PLEKHH2: variants seen among roughly 807,000 people sequenced by gnomAD.
PLEKHH2 encodes pleckstrin homology, MyTH4 and FERM domain containing H2, also known as pleckstrin homology domain-containing family H member 2.
PLEKHH2 carries 129 observed loss-of-function variants against 187.9 expected under a neutral mutation model. That is an observed-to-expected ratio of 0.69 (90% CI 0.59 to 0.79). The LOEUF (loss-of-function observed/expected upper bound fraction) is 0.79, where lower values mean the gene tolerates loss of function less well. PLEKHH2 is among the 30% of genes least tolerant of loss of function. PLEKHH2 has a pLI of 0.00. For missense variants in PLEKHH2, 2,076 were observed against 1,751.2 expected (o/e 1.19, Z -3.31); for synonymous variants, 686 against 605.6 (o/e 1.13, Z -1.95).
chr2:43,728,434 C>G (rs1272299461), intron 17 of PLEKHH2, among the ~76,000 whole-genome samples: 2 of 141,014 alleles, frequency 1.4e-5, no homozygotes, highest in African/African-American at 2.7e-5. Flanking sequence ...ATCGAGATCG[C>G]GCCATTGCAC....
intron 7 of PLEKHH2, 109 bp from the exon 8 acceptor site, chr2:43,699,538 C>A: frequency 7.3e-7 from 1 of 1,370,164 alleles, no homozygotes; most frequent in South Asian, 1.4e-5. Context: ...CCACTGCACC[C>A]AGCAAATTTC....
intron 8 of PLEKHH2, among the ~76,000 whole-genome samples, chr2:43,700,953 C>T (rs190198828): frequency 7.9e-5 from 12 of 152,256 alleles, no homozygotes; most frequent in Admixed American, 2.0e-4. Context: ...TTCTTTTCTT[C>T]TTTCCTTTCA....
intron 2 of PLEKHH2, among the ~76,000 whole-genome samples, chr2:43,649,714 G>T (rs1042380496): frequency 6.6e-6 from 1 of 152,118 alleles, no homozygotes; most frequent in Admixed American, 6.6e-5. Context: ...TCACATCTTT[G>T]GTTACTGGTT....
rs997918972 is a variant in PLEKHH2, at chr2:43,707,001, G to A, written c.1822-400G>A. On this transcript the variant is annotated intron_variant, in intron 10 of 29. Transcript: ENST00000282406. ...TCACGAGGTCAGGAGTTCGAGACCA[G>A]CCTGGCCAACATGGCGAAACCCTGT... is the stretch of plus-strand genomic sequence containing the variant. 2.6e-5 allele frequency among the ~76,000 whole-genome samples: 4 copies of A among 151,982 alleles called. 1 individual carries two copies. The highest frequency in any genetic ancestry group is 5.9e-5 in the Non-Finnish European group (4 of 67,984).
In PLEKHH2 at chr2:43,692,351, G is replaced by A. The variant is rs1668841300; in HGVS notation, c.187-163G>A. On this transcript the variant is annotated intron_variant, in intron 3 of 29. Coordinates refer to ENST00000282406, the MANE Select transcript of PLEKHH2 (RefSeq NM_172069.4). ...AAGGTAACACCACTTGGTGAAATAG[G>A]CTTGAGACTTTATAATCATTAAATA... 3 of 533,794 alleles carry A rather than the reference G, an allele frequency of 5.6e-6. No individual in the cohort carries two copies. In the East Asian group the frequency reaches 1.0e-4, roughly 18 times the overall value. 33.1% of individuals were successfully genotyped at this position (533,794 alleles called of 1,614,324 possible).
intron 19 of PLEKHH2, among the ~76,000 whole-genome samples, chr2:43,734,230 C>A (rs1406746493): frequency 2.6e-5 from 4 of 152,164 alleles, no homozygotes; most frequent in Non-Finnish European, 5.9e-5. Flanking sequence ...TCCCACTGCA[C>A]CCTAACTTTG....
intron 3 of PLEKHH2, among the ~76,000 whole-genome samples, chr2:43,685,305 A>G (rs914136226): frequency 5.9e-5 from 9 of 152,360 alleles, no homozygotes; most frequent in African/African-American, 2.2e-4. Context: ...TTGTTTATCA[A>G]TGAATGGCAT....
chr2:43,693,398 G>A (rs921442129), intron 4 of PLEKHH2, among the ~76,000 whole-genome samples: 1 of 152,144 alleles, frequency 6.6e-6, no homozygotes, highest in Non-Finnish European at 1.5e-5. Flanking sequence ...GCTTAGAAAT[G>A]TGTACACCAT....
intron 25 of PLEKHH2, among the ~76,000 whole-genome samples, chr2:43,756,008 C>T (rs1415125250): frequency 2.0e-5 from 3 of 152,174 alleles, no homozygotes; most frequent in Non-Finnish European, 4.4e-5. Flanking sequence ...TCCTTTTTTA[C>T]ATGCAAGGAC....
chr2:43,741,145 G>A (rs1671544399), intron 21 of PLEKHH2, 102 bp downstream of exon 21: 3 of 1,043,134 alleles, frequency 2.9e-6, no homozygotes, highest in Non-Finnish European at 4.0e-6. Flanking sequence ...TCAGAAGAAT[G>A]TATGAAACAA....
Position 43,766,386 on chromosome 2 carries a change from CAA to C in PLEKHH2, c.*790_*791del, listed in dbSNP as rs1190914498. The stretch of plus-strand genomic sequence containing the variant: ...GCTTTGTTAATAATATCTTTAAAAA[CAA>C]AGACAATCCTTAAAGCTTTGCTCCT... On this transcript the variant is annotated 3_prime_UTR_variant, in exon 30 of 30. Transcript: ENST00000282406. The C allele has an allele frequency of 6.5e-6, 1 of 152,738 alleles. No homozygotes were observed. Among genetic ancestry groups the C allele is most frequent in the Non-Finnish European group, 1.5e-5 (1 of 68,036 alleles). 9.5% of individuals were successfully genotyped at this position (152,738 alleles called of 1,614,324 possible). A position where few individuals can be genotyped will look rare whatever the true frequency, so the allele number is the denominator to read the frequency against.
chr2:43,702,526 A>ATTTT (rs1669424808), intron 8 of PLEKHH2, among the ~76,000 whole-genome samples: 3 of 30,436 alleles, frequency 9.9e-5, no homozygotes, highest in Non-Finnish European at 1.9e-4. Context: ...CCATTCTACT[A>ATTTT]CTTTTTTTTT....
At chr2:43,690,056 T>G (rs1329625598) in intron 3 of PLEKHH2, among the ~76,000 whole-genome samples, 3 of 152,240 alleles carry the variant, frequency 2.0e-5, no homozygotes, top group Admixed American at 6.5e-5. Context: ...TATTACTCTG[T>G]GCCCAGAGGA....
rs372259637 is a variant in PLEKHH2 at position 43,682,597 on chromosome 2, G to A, written c.186+3672G>A. Reference sequence around the variant, plus strand: ...TGGGATTACAGGCATGAGCCACCGTGCCCAGCCAAAATTAACATTTTTAAA... The same window carrying A: ...TGGGATTACAGGCATGAGCCACCGTACCCAGCCAAAATTAACATTTTTAAA... On this transcript the variant is annotated intron_variant, in intron 3 of 29. Coordinates refer to ENST00000282406, the MANE Select transcript of PLEKHH2 (RefSeq NM_172069.4). Among the ~76,000 whole-genome samples the A allele has an allele frequency of 8.5e-5, 13 of 152,212 alleles. No homozygotes were observed. The East Asian group carries it at 1.5e-3, about 18-fold the overall frequency.
chr2:43,712,044 T>C, intron 14 of PLEKHH2, 181 bp from the exon 15 acceptor site: 1 of 1,281,512 alleles, frequency 7.8e-7, no homozygotes, highest in Non-Finnish European at 1.0e-6. Context: ...ATTGCTGTAA[T>C]TCTCACAAAG....
chr2:43,706,007 T>C (rs542704066), intron 9 of PLEKHH2, among the ~76,000 whole-genome samples: 2 of 152,348 alleles, frequency 1.3e-5, no homozygotes, highest in South Asian at 4.1e-4. Context: ...AGCAGTTGCC[T>C]GTACTTAGTT....
intron 2 of PLEKHH2, chr2:43,676,414 C>T (rs1667793985): frequency 3.0e-6 from 3 of 998,376 alleles, no homozygotes; most frequent in South Asian, 1.7e-5. Flanking sequence ...GGCTGCGCTC[C>T]CGGTTGGGCC....
chr2:43,711,209 T>C (rs1383383883), intron 14 of PLEKHH2: 2 of 985,410 alleles, frequency 2.0e-6, no homozygotes, highest in Admixed American at 1.2e-4. Context: ...CAATAACCAT[T>C]ATTTTCTTAT....
Position 43,676,372 on chromosome 2 carries a change from G to C in PLEKHH2, c.124-2491G>C, listed in dbSNP as rs1202283250. 1.9e-5 allele frequency: 28 copies of C among 1,442,818 alleles called. No homozygotes were observed. In the East Asian group the frequency reaches 5.5e-4, roughly 28 times the overall value. 89.4% of individuals were successfully genotyped at this position (1,442,818 alleles called of 1,614,324 possible). On this transcript the variant is annotated intron_variant, in intron 2 of 29. Transcript: ENST00000282406. ...CAGGGTCAAAGGCAGCCTGGGACCG[G>C]GTCCTGGGGTCCCGCGCCTTCCGGA...
Sources: gnomAD v4.1 joint callset for allele counts (sites outside exome capture counted in the v4.1 genomes callset) on GRCh38, gnomAD v4.1.1 for gene constraint, MANE v1.5 for transcripts, NCBI Gene and HGNC (gene_info 2026-07-23, HGNC 2026-07-21) for gene names.